RHAG: variants seen among roughly 807,000 people sequenced by gnomAD.
The protein encoded by RHAG is ammonium transporter Rh type A.
RHAG carries 25 observed loss-of-function variants against 42.4 expected under a neutral mutation model. The ratio of observed to expected loss-of-function variants is 0.59; its 90% CI spans 0.43 to 0.82. RHAG has a LOEUF of 0.82. Among genes scored for constraint, RHAG ranks in the 40% least tolerant of loss-of-function variants. RHAG has a pLI of 0.00. For missense variants in RHAG, 483 were observed against 504.6 expected (o/e 0.96, Z 0.41); for synonymous variants, 182 against 177.7 (o/e 1.02, Z -0.19).
chr6:49,612,943 A>G (rs1423567291), intron 5 of RHAG, among the ~76,000 whole-genome samples: 2 of 152,194 alleles, frequency 1.3e-5, no homozygotes, highest in African/African-American at 2.4e-5. Flanking sequence ...TTTGTAGTCT[A>G]TGATATTCTA....
chr6:49,625,024 A>G (rs1762823077), intron 1 of RHAG, among the ~76,000 whole-genome samples: 1 of 152,222 alleles, frequency 6.6e-6, no homozygotes, highest in Non-Finnish European at 1.5e-5. Context: ...ATCTTGGAAA[A>G]CATCAGCAAT....
At chr6:49,636,558 C>T in intron 1 of RHAG, 98 bp downstream of exon 1, 1 of 1,237,648 alleles carries the variant, frequency 8.1e-7, no homozygotes, top group Non-Finnish European at 1.2e-6. Flanking sequence ...TCATATAATT[C>T]TACAAAGAGC....
At chr6:49,636,154 A>G (rs1182141778) in intron 1 of RHAG, among the ~76,000 whole-genome samples, 1 of 152,118 alleles carries the variant, frequency 6.6e-6, no homozygotes, top group Non-Finnish European at 1.5e-5. Context: ...AGAATATTGT[A>G]AAACTCTGAG....
intron 1 of RHAG, among the ~76,000 whole-genome samples, chr6:49,636,201 A>C (rs1033903882): frequency 1.3e-5 from 2 of 152,100 alleles, no homozygotes; most frequent in Non-Finnish European, 2.9e-5. Context: ...AACTTCCTAC[A>C]TCATACTAAA....
intron 1 of RHAG, among the ~76,000 whole-genome samples, chr6:49,629,900 A>T (rs1762908439): frequency 6.6e-6 from 1 of 151,964 alleles, no homozygotes; most frequent in Admixed American, 6.6e-5. Flanking sequence ...CAAGAGCCGC[A>T]CGCAGCCCCG....
intron 1 of RHAG, among the ~76,000 whole-genome samples, chr6:49,622,999 C>G (rs986962279): frequency 2.0e-5 from 3 of 149,970 alleles, no homozygotes; most frequent in African/African-American, 7.5e-5. Context: ...CTACGCCTGG[C>G]TAATTTTTTT....
At chr6:49,607,087 A>T (rs958570072) in intron 8 of RHAG, 63 bp downstream of exon 8, 18 of 1,425,522 alleles carry the variant, frequency 1.3e-5, no homozygotes, top group Non-Finnish European at 1.7e-5. Context: ...TTGCTCATTA[A>T]TTATCTATTG....
chr6:49,636,697 G>T lies in RHAG; in HGVS notation c.116C>A (p.Thr39Asn), dbSNP rs573812852. The change falls in exon 1 of 10, where the codon ACC becomes AAC. Residue 39 changes from threonine (T) to asparagine (N), a missense_variant. Thr to Asn is a moderately conservative substitution (Grantham distance 65). Transcript: ENST00000371175. ...DQTVLEQLNI[T>N]KPTDMGIFFE... ...GAATATGCCCATGTCTGTTGGCTTG[G>T]TGATGTTGAGCTGCTCGAGAACAGT... 2.5e-6 allele frequency: 4 copies of T among 1,613,962 alleles called. No homozygotes were observed. The African/African-American group carries it at 4.0e-5, about 16-fold the overall frequency.
In RHAG at chr6:49,636,413, G is replaced by T. The variant is rs1162668726; in HGVS notation, c.157+243C>A. The stretch of plus-strand genomic sequence containing the variant: ...TAGCAGTAGATAAGCAATACAAAAG[G>T]CATCAATTATTTTAATTTTCAGCTT... On this transcript the variant is annotated intron_variant, in intron 1 of 9. Coordinates refer to ENST00000371175, the MANE Select transcript of RHAG (RefSeq NM_000324.3). Among the ~76,000 whole-genome samples, 9 of 152,044 alleles carry T rather than the reference G, an allele frequency of 5.9e-5. No homozygotes were observed. In the South Asian group the frequency reaches 1.0e-3, roughly 17 times the overall value.
chr6:49,626,979 G>C lies in RHAG; in HGVS notation c.158-7617C>G, dbSNP rs551013591. ...TGGGATACAGAGCACCATGTCGTGAGGTTGCATAGAGCAGGGAAGCCCTGG... is the reference window on the plus strand; with the variant it reads ...TGGGATACAGAGCACCATGTCGTGACGTTGCATAGAGCAGGGAAGCCCTGG... On this transcript the variant is annotated intron_variant, in intron 1 of 9. Transcript: ENST00000371175. 2.0e-5 allele frequency among the ~76,000 whole-genome samples: 3 copies of C among 152,226 alleles called. No individual in the cohort carries two copies. In the East Asian group the frequency reaches 5.8e-4, roughly 29 times the overall value.
intron 1 of RHAG, among the ~76,000 whole-genome samples, chr6:49,633,397 C>T (rs921070032): frequency 2.6e-5 from 4 of 152,086 alleles, no homozygotes; most frequent in Non-Finnish European, 4.4e-5. Flanking sequence ...TTAACTTATA[C>T]CATTACATAA....
chr6:49,611,610 C>T (rs1330132964), intron 6 of RHAG, among the ~76,000 whole-genome samples: 1 of 152,120 alleles, frequency 6.6e-6, no homozygotes, highest in Non-Finnish European at 1.5e-5. Flanking sequence ...ATCTGAAGTC[C>T]ACTTAAAGTT....
chr6:49,605,808 T>C lies in RHAG; in HGVS notation c.*5A>G, dbSNP rs775762951. On this transcript the variant is annotated 3_prime_UTR_variant, in exon 10 of 10. Coordinates refer to ENST00000371175, the MANE Select transcript of RHAG (RefSeq NM_000324.3). Reference sequence around the variant, plus strand: ...GTCACCATGTCCATGGAACTGATTGTCAAGTTATCTCGTCTTAGGGACCTT... The same window carrying C: ...GTCACCATGTCCATGGAACTGATTGCCAAGTTATCTCGTCTTAGGGACCTT... 24 of 1,613,006 alleles carry C rather than the reference T, an allele frequency of 1.5e-5. No individual in the cohort carries two copies. The East Asian group carries it at 5.3e-4, about 36-fold the overall frequency.
At chr6:49,613,094 G>A (rs2127351352) in intron 5 of RHAG, among the ~76,000 whole-genome samples, 1 of 149,398 alleles carries the variant, frequency 6.7e-6, no homozygotes, top group East Asian at 2.0e-4. Context: ...TTTCGAGATG[G>A]AGTCTTGCTC....
chr6:49,624,339 G>A (rs1056919584), intron 1 of RHAG, among the ~76,000 whole-genome samples: 2 of 152,130 alleles, frequency 1.3e-5, no homozygotes, highest in Non-Finnish European at 2.9e-5. Flanking sequence ...CCGAGTAGCT[G>A]GGACTACAGG....
intron 7 of RHAG, among the ~76,000 whole-genome samples, chr6:49,608,377 G>T (rs761331526): frequency 4.6e-5 from 7 of 152,198 alleles, no homozygotes; most frequent in East Asian, 1.9e-4. Context: ...TTAGTAAAAG[G>T]CTACATATAC....
chr6:49,629,478 G>T (rs553913841), intron 1 of RHAG, among the ~76,000 whole-genome samples: 6 of 152,216 alleles, frequency 3.9e-5, no homozygotes, highest in Admixed American at 3.9e-4. Context: ...GAGCTCAGCC[G>T]GCTTCACCCA....
chr6:49,624,071 AAG>A (rs1474429554), intron 1 of RHAG, among the ~76,000 whole-genome samples: 1 of 152,216 alleles, frequency 6.6e-6, no homozygotes, highest in Non-Finnish European at 1.5e-5. Flanking sequence ...CAGAAAATAA[AAG>A]AGAATAGTGA....
chr6:49,619,379 GA>G lies in RHAG; in HGVS notation c.158-18del. 2 of 1,608,876 alleles carry G rather than the reference GA, an allele frequency of 1.2e-6. No individual in the cohort carries two copies. The highest frequency in any genetic ancestry group is 1.7e-6 in the Non-Finnish European group (2 of 1,176,672). On this transcript the variant is annotated intron_variant, in intron 1 of 9. Transcript: ENST00000371175. ...CTTGGAACACTGGAAAAGAGGAAAG[GA>G]AAAAATATCTGCATTATGAGAGCAT...
Sources: gnomAD v4.1 joint callset for allele counts (sites outside exome capture counted in the v4.1 genomes callset) on GRCh38, gnomAD v4.1.1 for gene constraint, MANE v1.5 for transcripts, NCBI Gene and HGNC (gene_info 2026-07-23, HGNC 2026-07-21) for gene names.